Variants in PRKAR1A observed in about 807,000 individuals in gnomAD.
PRKAR1A encodes cAMP-dependent protein kinase type I-alpha regulatory subunit.
PRKAR1A carries 3 observed loss-of-function variants against 52.0 expected under a neutral mutation model. The observed-to-expected ratio is 0.06, with a 90% confidence interval of 0.03 to 0.15. The LOEUF (loss-of-function observed/expected upper bound fraction) is 0.15. Ranked by LOEUF, PRKAR1A falls within the 10% of genes least tolerant of loss-of-function variation. The pLI, the probability that PRKAR1A is intolerant of heterozygous loss-of-function variation, is 1.00. For missense variants in PRKAR1A, 240 were observed against 477.4 expected (o/e 0.50, Z 4.63); for synonymous variants, 188 against 168.4 (o/e 1.12, Z -0.90).
the PRKAR1A span, among the ~76,000 whole-genome samples, chr17:68,457,883 T>C: frequency 6.6e-6 from 1 of 152,056 alleles, no homozygotes; most frequent in Non-Finnish European, 1.5e-5. Context: ...GCCGCCCAGC[T>C]GGGAGGGAGA....
At chr17:68,474,779 C>G in the PRKAR1A span, among the ~76,000 whole-genome samples, 1 of 152,020 alleles carries the variant, frequency 6.6e-6, no homozygotes, top group Non-Finnish European at 1.5e-5. Flanking sequence ...CCTGTAGTCC[C>G]AGCTACTCAT....
At chr17:68,438,929 T>G in the PRKAR1A span, among the ~76,000 whole-genome samples, 1 of 152,160 alleles carries the variant, frequency 6.6e-6, no homozygotes, top group African/African-American at 2.4e-5. Flanking sequence ...AAGGCTGTGT[T>G]AAAAACACGA....
At chr17:68,528,817 T>A in intron 8 of PRKAR1A, 53 bp from the exon 9 acceptor site, 1 of 1,606,274 alleles carries the variant, frequency 6.2e-7, no homozygotes, top group South Asian at 1.1e-5. Context: ...TCTTTTTACC[T>A]TTATAACAGC....
the PRKAR1A span, among the ~76,000 whole-genome samples, chr17:68,489,458 G>T: frequency 8.7e-6 from 1 of 115,426 alleles, no homozygotes; most frequent in Non-Finnish European, 1.8e-5. Context: ...ATATATAAAT[G>T]GAAAAAATAT....
chr17:68,466,826 C>A, the PRKAR1A span, among the ~76,000 whole-genome samples: 2 of 152,222 alleles, frequency 1.3e-5, no homozygotes, highest in East Asian at 1.9e-4. Flanking sequence ...ACATCTAGTG[C>A]GTTCACAAGG....
upstream of PRKAR1A, among the ~76,000 whole-genome samples, chr17:68,510,861 C>G (rs991837723): frequency 6.6e-6 from 1 of 152,174 alleles, no homozygotes; most frequent in Admixed American, 6.5e-5. Context: ...AATAAATCAT[C>G]TGATGGACAG....
chr17:68,463,472 G>A, the PRKAR1A span, among the ~76,000 whole-genome samples: 1 of 152,124 alleles, frequency 6.6e-6, no homozygotes. Context: ...CAGGTTCTAG[G>A]GATATGACGC....
chr17:68,516,184 T>C (rs2085427783), intron 2 of PRKAR1A, among the ~76,000 whole-genome samples: 1 of 152,228 alleles, frequency 6.6e-6, no homozygotes, highest in Admixed American at 6.5e-5. Flanking sequence ...CCAATTTTTA[T>C]TCTTTTTTGC....
At chr17:68,427,008 G>A in the PRKAR1A span, 1 of 747,406 alleles carries the variant, frequency 1.3e-6, no homozygotes, top group Middle Eastern at 3.8e-4. Flanking sequence ...AACAGTGAAG[G>A]GGGAAGGGGA....
chr17:68,428,233 T>TG, the PRKAR1A span: 1 of 151,604 alleles, frequency 6.6e-6, no homozygotes, highest in South Asian at 2.1e-4. Context: ...AATAGGTTTT[T>TG]TTTTTTTTTT....
chr17:68,550,340 G>T (rs1365516865), intron 11 of PRKAR1A, among the ~76,000 whole-genome samples: 6 of 135,416 alleles, frequency 4.4e-5, no homozygotes, highest in Non-Finnish European at 8.0e-5. Flanking sequence ...CTAGGATTTT[G>T]GATCTTTCAC....
At chr17:68,438,186 C>T in the PRKAR1A span, among the ~76,000 whole-genome samples, 28 of 152,250 alleles carry the variant, frequency 1.8e-4, no homozygotes, top group Admixed American at 5.9e-4. Context: ...TTATCACTTG[C>T]CATGCATAGC....
At chr17:68,505,329 C>T in the PRKAR1A span, among the ~76,000 whole-genome samples, 1 of 152,068 alleles carries the variant, frequency 6.6e-6, no homozygotes, top group Non-Finnish European at 1.5e-5. Flanking sequence ...AAACGAAAAT[C>T]AGTGGTTATC....
chr17:68,420,043 A>C, the PRKAR1A span: 2 of 926,992 alleles, frequency 2.2e-6, no homozygotes, highest in Non-Finnish European at 3.2e-6. Context: ...TCTCAAGGTA[A>C]TATTTCTTTG....
the PRKAR1A span, among the ~76,000 whole-genome samples, chr17:68,458,238 T>C: frequency 4.6e-5 from 7 of 152,278 alleles, no homozygotes; most frequent in East Asian, 1.2e-3. Flanking sequence ...CTTATAAAAC[T>C]TGTGTGGAAA....
At chr17:68,518,868 A>G (rs1324219847) in intron 2 of PRKAR1A, among the ~76,000 whole-genome samples, 1 of 152,152 alleles carries the variant, frequency 6.6e-6, no homozygotes, top group Non-Finnish European at 1.5e-5. Flanking sequence ...AATTTCTTCC[A>G]CCGGATACCC....
intron 11 of PRKAR1A, chr17:68,540,919 C>A (rs758964755): frequency 4.4e-6 from 7 of 1,601,854 alleles, no homozygotes; most frequent in Non-Finnish European, 6.0e-6. Context: ...ACGGGTAGAT[C>A]TGTTTCACTG....
the PRKAR1A span, among the ~76,000 whole-genome samples, chr17:68,446,840 C>T: frequency 6.6e-6 from 1 of 152,292 alleles, no homozygotes; most frequent in South Asian, 2.1e-4. Context: ...ACCATCTGCT[C>T]TGCGGCTCAC....
downstream of PRKAR1A, among the ~76,000 whole-genome samples, chr17:68,534,623 GC>G (rs1234880332): frequency 7.8e-5 from 11 of 141,062 alleles, no homozygotes; most frequent in African/African-American, 2.1e-4. Context: ...ACTATTAAAA[GC>G]CCCTAAGTGT....
Sources: gnomAD v4.1 joint callset for allele counts (sites outside exome capture counted in the v4.1 genomes callset) on GRCh38, gnomAD v4.1.1 for gene constraint, MANE v1.5 for transcripts, NCBI Gene and HGNC (gene_info 2026-07-23, HGNC 2026-07-21) for gene names.